Variants in CCSER2 observed in about 807,000 individuals in gnomAD.
CCSER2 encodes the protein coiled-coil serine rich protein 2, also known as serine-rich coiled-coil domain-containing protein 2.
CCSER2 carries 46 observed loss-of-function variants against 92.3 expected under a neutral mutation model. That is an observed-to-expected ratio of 0.50 (90% confidence interval 0.39 to 0.64). The LOEUF (loss-of-function observed/expected upper bound fraction) is 0.64, where lower values mean the gene tolerates loss of function less well. CCSER2 is among the 30% of genes least tolerant of loss of function. The pLI is 0.00. For missense variants in CCSER2, 1,244 were observed against 1,238.9 expected (o/e 1.00, Z -0.06); for synonymous variants, 433 against 431.4 (o/e 1.00, Z -0.04).
Position 84,348,344 on chromosome 10 carries a change from C to T in CCSER2, c.-40+19536C>T, listed in dbSNP as rs537601073. ...GCACGCGCCTGCAATCGCAGGCACT[C>T]GGCAGGCTGAGGCAGGAGAATCAGG... is the stretch of plus-strand genomic sequence containing the variant. On this transcript the variant is annotated intron_variant, in intron 1 of 9. Coordinates refer to ENST00000372088, the MANE Select transcript of CCSER2 (RefSeq NM_001284240.2). Among the ~76,000 whole-genome samples the T allele has an allele frequency of 2.2e-4, 33 of 152,270 alleles. No individual in the cohort carries two copies. The East Asian group carries it at 5.0e-3, about 23-fold the overall frequency.
chr10:84,490,090 A>G (rs1454711589), intron 9 of CCSER2, among the ~76,000 whole-genome samples: 1 of 152,020 alleles, frequency 6.6e-6, no homozygotes, highest in Non-Finnish European at 1.5e-5. Flanking sequence ...TGGCTTGTAG[A>G]GTTTCTTCTG....
At position 84,425,035 on chromosome 10, in the gene CCSER2, G is replaced by A. The variant is rs1843354944; in HGVS notation, c.1706-696G>A. On this transcript the variant is annotated intron_variant, in intron 4 of 9. Coordinates refer to ENST00000372088, the MANE Select transcript of CCSER2 (RefSeq NM_001284240.2). ...CTTAGTGAGTGCTCAGATATGTGAG[G>A]AAAAAGTATTTGGGTAAGTGAAGAA... is the stretch of plus-strand genomic sequence containing the variant. 7.1e-6 allele frequency: 7 copies of A among 979,858 alleles called. No individual in the cohort carries two copies. In the South Asian group the frequency reaches 3.3e-4, roughly 46 times the overall value. The allele number at this position is 979,858 out of a possible 1,614,324, so 60.7% of individuals were successfully genotyped here. A position where few individuals can be genotyped will look rare whatever the true frequency, so the allele number is the denominator to read the frequency against.
chr10:84,464,775 A>G (rs1846293961), intron 7 of CCSER2, among the ~76,000 whole-genome samples: 1 of 152,164 alleles, frequency 6.6e-6, no homozygotes, highest in East Asian at 1.9e-4. Flanking sequence ...ATTGTGGGAC[A>G]TGTTATTGTG....
At chr10:84,434,724 C>G (rs554590104) in intron 5 of CCSER2, among the ~76,000 whole-genome samples, 2 of 152,076 alleles carry the variant, frequency 1.3e-5, no homozygotes, top group African/African-American at 4.8e-5. Context: ...AGTCCAAGCA[C>G]TTTAACATAT....
rs554562268 is a variant in CCSER2, at chr10:84,510,129, C to T, written c.2326-3320C>T. Among the ~76,000 whole-genome samples the T allele has an allele frequency of 1.4e-4, 21 of 152,276 alleles. No homozygotes were observed. The South Asian group carries it at 4.4e-3, about 32-fold the overall frequency. On this transcript the variant is annotated intron_variant, in intron 9 of 9. Transcript: ENST00000372088. ...CTGACATGAGTCCTAGGAGCTGGCC[C>T]TTAGCTATGCTTTTGCACTATCCTT...
At chr10:84,354,958 T>G (rs973707477) in intron 1 of CCSER2, among the ~76,000 whole-genome samples, 7 of 152,076 alleles carry the variant, frequency 4.6e-5, no homozygotes, top group African/African-American at 1.7e-4. Flanking sequence ...CATCCATTTA[T>G]TTGCTAAATA....
chr10:84,516,141 G>A lies in CCSER2; in HGVS notation c.*1874G>A, dbSNP rs1036995140. 9.9e-5 allele frequency: 15 copies of A among 152,162 alleles called. No homozygotes were observed. The highest frequency in any genetic ancestry group is 2.6e-4 in the Admixed American group (4 of 15,284). The allele number at this position is 152,162 out of a possible 1,614,324, so 9.4% of individuals were successfully genotyped here. A position where few individuals can be genotyped will look rare whatever the true frequency, so the allele number is the denominator to read the frequency against. On this transcript the variant is annotated 3_prime_UTR_variant, in exon 10 of 10. Transcript: ENST00000372088. ...TTGCCCCTTTATAAGAAAAACAACA[G>A]CAAGTCTTTTAGTAGAAATTTGAAA...
chr10:84,436,248 C>A (rs1291403021), intron 5 of CCSER2, among the ~76,000 whole-genome samples: 2 of 133,370 alleles, frequency 1.5e-5, no homozygotes, highest in East Asian at 5.0e-4. Flanking sequence ...ATGGCGTGAA[C>A]CCGGGAGGCG....
intron 3 of CCSER2, among the ~76,000 whole-genome samples, chr10:84,410,233 G>C (rs895191361): frequency 1.3e-5 from 2 of 152,140 alleles, no homozygotes. Flanking sequence ...ATGCATGCAT[G>C]TATCTTTATA....
At chr10:84,452,246 G>A (rs1022459035) in intron 6 of CCSER2, 2 of 152,120 alleles carry the variant, frequency 1.3e-5, no homozygotes, top group African/African-American at 4.8e-5. Context: ...GTCCATTGCA[G>A]CTGCTCTGGA....
chr10:84,453,584 G>A (rs551169643), intron 6 of CCSER2, among the ~76,000 whole-genome samples: 1 of 152,286 alleles, frequency 6.6e-6, no homozygotes, highest in Non-Finnish European at 1.5e-5. Flanking sequence ...GTAGCAGTAT[G>A]TCTATTATAT....
chr10:84,364,098 A>T (rs2133130716), intron 1 of CCSER2, among the ~76,000 whole-genome samples: 1 of 152,296 alleles, frequency 6.6e-6, no homozygotes, highest in East Asian at 1.9e-4. Context: ...AAAATGGTAT[A>T]CCAGTATGGG....
At chr10:84,506,152 A>AC (rs1849033521) in intron 9 of CCSER2, among the ~76,000 whole-genome samples, 2 of 151,822 alleles carry the variant, frequency 1.3e-5, no homozygotes, top group African/African-American at 4.8e-5. Context: ...AAAAAAAAAA[A>AC]AACCAAACCC....
intron 1 of CCSER2, among the ~76,000 whole-genome samples, chr10:84,338,529 T>G (rs1217977164): frequency 6.6e-6 from 1 of 152,066 alleles, no homozygotes; most frequent in Non-Finnish European, 1.5e-5. Context: ...GTAAATGAAA[T>G]TAACTTTATC....
In CCSER2 at chr10:84,372,083, C is replaced by T. The variant is rs1846092083; in HGVS notation, c.1031C>T (p.Ala344Val). Reference sequence around the variant, plus strand: ...GTTGATGGAAATAAAAATTCACCTGCTGACACATGTGTAGAGGAAGATGCT... The same window carrying T: ...GTTGATGGAAATAAAAATTCACCTGTTGACACATGTGTAGAGGAAGATGCT... ...MTVDGNKNSP[A>V]DTCVEEDATV... The change falls in exon 2 of 10, where the codon GCT becomes GTT. Residue 344 changes from alanine (A) to valine (V), a missense_variant. Coordinates refer to ENST00000372088, the MANE Select transcript of CCSER2 (RefSeq NM_001284240.2). 2 of 1,613,622 alleles carry T rather than the reference C, an allele frequency of 1.2e-6. No homozygotes were observed. Among genetic ancestry groups the T allele is most frequent in the Non-Finnish European group, 1.7e-6 (2 of 1,179,802 alleles).
intron 1 of CCSER2, among the ~76,000 whole-genome samples, chr10:84,330,442 A>G (rs915478730): frequency 2.0e-5 from 3 of 151,824 alleles, no homozygotes; most frequent in Admixed American, 2.0e-4. Context: ...TGATTCGTAC[A>G]CTCTCCAGTT....
Position 84,340,288 on chromosome 10 carries a change from T to C in CCSER2, c.-40+11480T>C, listed in dbSNP as rs540365534. On this transcript the variant is annotated intron_variant, in intron 1 of 9. Coordinates refer to ENST00000372088, the MANE Select transcript of CCSER2 (RefSeq NM_001284240.2). ...TTAACATTATGAGGTTTTTTTGTTA[T>C]AGTATTTGCTGTATTTTACTGTTTG... Among the ~76,000 whole-genome samples, 6 of 152,354 alleles carry C rather than the reference T, an allele frequency of 3.9e-5. No homozygotes were observed. The South Asian group carries it at 1.0e-3, about 26-fold the overall frequency.
chr10:84,390,155 A>G (rs951526710), intron 3 of CCSER2, among the ~76,000 whole-genome samples: 1 of 152,198 alleles, frequency 6.6e-6, no homozygotes, highest in Non-Finnish European at 1.5e-5. Context: ...CCGTGAATTC[A>G]AACTAATACC....
At chr10:84,411,540 A>G (rs1013885329) in intron 3 of CCSER2, among the ~76,000 whole-genome samples, 1 of 151,834 alleles carries the variant, frequency 6.6e-6, no homozygotes, top group African/African-American at 2.4e-5. Context: ...AGCTGTGTTA[A>G]TACGTACGTA....
Sources: allele counts gnomAD v4.1 joint callset (sites outside exome capture counted in the v4.1 genomes callset), GRCh38; gene constraint gnomAD v4.1.1; transcripts MANE v1.5; gene names NCBI Gene and HGNC (gene_info 2026-07-23, HGNC 2026-07-21).